The following KDM4C variants were observed in gnomAD, a reference collection of about 807,000 sequenced individuals.
KDM4C encodes the protein lysine-specific demethylase 4C.
Under a neutral mutation model 129.3 loss-of-function variants are expected in KDM4C, and 81 were observed. The ratio of observed to expected loss-of-function variants is 0.63; its 90% CI spans 0.52 to 0.75. The LOEUF is 0.75. KDM4C is among the 30% of genes least tolerant of loss of function. The pLI is 0.00. For synonymous variants in KDM4C, 573 were observed against 456.1 expected (o/e 1.26, Z -3.26); for missense variants, 1,457 against 1,304.0 (o/e 1.12, Z -1.81).
At position 6,889,016 on chromosome 9, in the gene KDM4C, C is replaced by T. The variant is rs1412782447; in HGVS notation, c.783+953C>T. Among the ~76,000 whole-genome samples the T allele has an allele frequency of 3.7e-4, 12 of 32,514 alleles. 2 individuals carry two copies. Among genetic ancestry groups the T allele is most frequent in the Non-Finnish European group, 6.8e-4 (11 of 16,282 alleles). 21.3% of individuals were successfully genotyped at this position (32,514 alleles called of 152,430 possible). ...TTTTAGCCGGGATGGCCTCGATCTC[C>T]CGACCTCGTGATCCGCCCGCCTCGG... On this transcript the variant is annotated intron_variant, in intron 7 of 21. Coordinates refer to ENST00000381309, the MANE Select transcript of KDM4C (RefSeq NM_015061.6).
rs888896092 is a variant in KDM4C at position 6,879,961 on chromosome 9, C to G, written c.630-51C>G. The G allele has an allele frequency of 3.3e-6, 3 of 918,920 alleles. No individual in the cohort carries two copies. The African/African-American group carries it at 5.1e-5, about 16-fold the overall frequency. The allele number at this position is 918,920 out of a possible 1,614,324, so 56.9% of individuals were successfully genotyped here. A position where few individuals can be genotyped will look rare whatever the true frequency, so the allele number is the denominator to read the frequency against. On this transcript the variant is annotated intron_variant, in intron 5 of 21. Transcript: ENST00000381309. ...TTTAGGAATAGATGTCCTTAGGCTA[C>G]TAGCTGAAAAATTATAAACCTAAAA... is the stretch of plus-strand genomic sequence containing the variant.
intron 15 of KDM4C, among the ~76,000 whole-genome samples, chr9:7,034,041 C>T (rs1251840300): frequency 6.6e-6 from 1 of 151,480 alleles, no homozygotes; most frequent in Non-Finnish European, 1.5e-5. Flanking sequence ...GGTGGGGCAT[C>T]AGTTGGTCTC....
At chr9:7,133,979 C>G (rs1029948703) in intron 19 of KDM4C, among the ~76,000 whole-genome samples, 2 of 152,204 alleles carry the variant, frequency 1.3e-5, no homozygotes, top group East Asian at 1.9e-4. Flanking sequence ...TACCCCTTGT[C>G]AGTGAGCTCA....
chr9:6,728,071 A>C (rs1421601836), intron 1 of KDM4C, among the ~76,000 whole-genome samples: 2 of 30,680 alleles, frequency 6.5e-5, no homozygotes, highest in African/African-American at 3.5e-4. Context: ...AGCTGCAAAA[A>C]AAAAAAAAAA....
chr9:6,826,860 C>A (rs927265013), intron 4 of KDM4C, among the ~76,000 whole-genome samples: 3 of 148,424 alleles, frequency 2.0e-5, no homozygotes. Flanking sequence ...GAGTGAAACT[C>A]CATCTCAAAA....
chr9:6,796,625 A>G (rs957885543), intron 2 of KDM4C, among the ~76,000 whole-genome samples: 17 of 152,138 alleles, frequency 1.1e-4, no homozygotes, highest in Non-Finnish European at 2.4e-4. Context: ...TAACTGAATA[A>G]AGTTAATGAG....
chr9:6,822,456 AT>A (rs1833192928), intron 4 of KDM4C, among the ~76,000 whole-genome samples: 1 of 152,232 alleles, frequency 6.6e-6, no homozygotes, highest in Admixed American at 6.5e-5. Context: ...CAAGAAAGAA[AT>A]TGGAGTGTTT....
intron 1 of KDM4C, among the ~76,000 whole-genome samples, chr9:6,744,707 T>A (rs1166083135): frequency 6.6e-6 from 1 of 152,136 alleles, no homozygotes; most frequent in Non-Finnish European, 1.5e-5. Flanking sequence ...CAGCTTAATT[T>A]CTGCCAGGTA....
At chr9:6,738,169 CTAAACTAA>C (rs1817586878) in intron 1 of KDM4C, among the ~76,000 whole-genome samples, 1 of 146,304 alleles carries the variant, frequency 6.8e-6, no homozygotes, top group Admixed American at 6.9e-5. Context: ...CTAAACTAAA[CTAAACTAA>C]ACTAAAAAAC....
intron 8 of KDM4C, among the ~76,000 whole-genome samples, chr9:6,926,865 C>G (rs566881787): frequency 6.6e-6 from 1 of 152,172 alleles, no homozygotes; most frequent in Admixed American, 6.5e-5. Context: ...GACTGCATTA[C>G]TGTCCTTTAA....
At chr9:6,939,972 A>ACCTTCCTTCCTT (rs1455710444) in intron 8 of KDM4C, among the ~76,000 whole-genome samples, 114 of 106,548 alleles carry the variant, frequency 1.1e-3, no homozygotes, top group South Asian at 5.9e-3. Flanking sequence ...CTACCTACCT[A>ACCTTCCTTCCTT]CCTACCTTCC....
intron 12 of KDM4C, among the ~76,000 whole-genome samples, chr9:6,993,142 C>A (rs1819051850): frequency 6.6e-6 from 1 of 152,042 alleles, no homozygotes; most frequent in African/African-American, 2.4e-5. Context: ...AAAAGATTTT[C>A]CATGTTGAAC....
At chr9:7,099,245 AATC>A (rs1836802840) in intron 17 of KDM4C, among the ~76,000 whole-genome samples, 1 of 152,224 alleles carries the variant, frequency 6.6e-6, no homozygotes, top group Non-Finnish European at 1.5e-5. Context: ...AAAAATCAGA[AATC>A]ATATTAACAG....
At chr9:7,131,993 G>C (rs947976920) in intron 19 of KDM4C, among the ~76,000 whole-genome samples, 1 of 152,184 alleles carries the variant, frequency 6.6e-6, no homozygotes, top group African/African-American at 2.4e-5. Context: ...CCACTGGGAA[G>C]AATTATTCAT....
At chr9:6,811,151 C>A (rs1047449755) in intron 3 of KDM4C, among the ~76,000 whole-genome samples, 2 of 151,966 alleles carry the variant, frequency 1.3e-5, no homozygotes, top group Non-Finnish European at 2.9e-5. Context: ...AGGTTTTCTG[C>A]TGGGCTGTCT....
chr9:7,135,166 T>C (rs1327083350), intron 19 of KDM4C, among the ~76,000 whole-genome samples: 5 of 152,202 alleles, frequency 3.3e-5, no homozygotes, highest in Admixed American at 1.3e-4. Context: ...TCACTGGGGA[T>C]CCTCTGGAGA....
In KDM4C at chr9:6,857,506, C is replaced by G. The variant is rs569560723; in HGVS notation, c.629+7806C>G. Among the ~76,000 whole-genome samples the G allele has an allele frequency of 7.9e-5, 12 of 152,270 alleles. No homozygotes were observed. In the South Asian group the frequency reaches 2.5e-3, roughly 32 times the overall value. On this transcript the variant is annotated intron_variant, in intron 5 of 21. Transcript: ENST00000381309. ...TTGCTTGCAGCCCCAAAACATTGAT[C>G]TCTGTGGACCACTGCTCAGCACAGA...
chr9:6,969,059 C>T (rs990077274), intron 8 of KDM4C, among the ~76,000 whole-genome samples: 22 of 152,068 alleles, frequency 1.4e-4, no homozygotes, highest in African/African-American at 4.6e-4. Flanking sequence ...CCTCGGCTTT[C>T]TGAGTACCTG....
In KDM4C at chr9:7,112,646, C is replaced by G. The variant is rs570666272; in HGVS notation, c.2610+8776C>G. Among the ~76,000 whole-genome samples, 6 of 152,326 alleles carry G rather than the reference C, an allele frequency of 3.9e-5. No individual in the cohort carries two copies. In the South Asian group the frequency reaches 1.2e-3, roughly 32 times the overall value. Reference sequence around the variant, plus strand: ...GCCAGTGAGCTTGCCCTGGCCCCCACAGGGCTGATACATCATATGTAGCTA... The same window carrying G: ...GCCAGTGAGCTTGCCCTGGCCCCCAGAGGGCTGATACATCATATGTAGCTA... On this transcript the variant is annotated intron_variant, in intron 18 of 21. Transcript: ENST00000381309.
Sources: allele counts gnomAD v4.1 joint callset (sites outside exome capture counted in the v4.1 genomes callset), GRCh38; gene constraint gnomAD v4.1.1; transcripts MANE v1.5; gene names NCBI Gene and HGNC (gene_info 2026-07-23, HGNC 2026-07-21).